The following NRXN3 variants were observed in gnomAD, a reference collection of about 807,000 sequenced individuals.
The protein encoded by NRXN3 is neurexin 3, also known as neurexin III.
NRXN3 carries 32 observed loss-of-function variants against 137.6 expected under a neutral mutation model. The ratio of observed to expected loss-of-function variants is 0.23; its 90% CI spans 0.18 to 0.31. NRXN3 has a LOEUF of 0.31. Ranked by LOEUF, NRXN3 falls within the 10% of genes least tolerant of loss-of-function variation. The probability of loss-of-function intolerance (pLI) is 1.00; values close to 1 mark genes in which losing one functional copy is unlikely to be tolerated. For missense variants in NRXN3, 1,574 were observed against 2,062.5 expected, an observed-to-expected ratio of 0.76 and a Z score of 4.59; for synonymous variants, 798 against 784.5, an observed-to-expected ratio of 1.02 and a Z score of -0.29.
At chr14:78,957,001 A>C (rs2099398041) in intron 10 of NRXN3, among the ~76,000 whole-genome samples, 1 of 152,254 alleles carries the variant, frequency 6.6e-6, no homozygotes, top group African/African-American at 2.4e-5. Flanking sequence ...TATCTAAGAT[A>C]AAAGAAGGCA....
intron 19 of NRXN3, among the ~76,000 whole-genome samples, chr14:79,743,482 A>C (rs59760831): frequency 0.018 from 2,812 of 152,320 alleles, 89 homozygotes; most frequent in African/African-American, 0.064. Flanking sequence ...TTCCTTACAC[A>C]CAAACTTGGG....
At chr14:79,458,231 T>C (rs1218738150) in intron 15 of NRXN3, among the ~76,000 whole-genome samples, 1 of 152,154 alleles carries the variant, frequency 6.6e-6, no homozygotes, top group African/African-American at 2.4e-5. Context: ...TAAAAATGGG[T>C]GTGATTTTCT....
At chr14:78,259,059 G>T (rs548976109) in intron 2 of NRXN3, among the ~76,000 whole-genome samples, 1 of 151,642 alleles carries the variant, frequency 6.6e-6, no homozygotes, top group East Asian at 1.9e-4. Context: ...TTGAACCTGG[G>T]AGGTGGAGGT....
At chr14:79,050,645 C>A (rs1433540969) in intron 15 of NRXN3, among the ~76,000 whole-genome samples, 2 of 152,176 alleles carry the variant, frequency 1.3e-5, no homozygotes, top group African/African-American at 4.8e-5. Context: ...AATTTCAGGG[C>A]CGGTTGTAGC....
At chr14:78,966,603 G>A (rs2099417768) in intron 12 of NRXN3, among the ~76,000 whole-genome samples, 197 bp downstream of exon 12, 1 of 152,104 alleles carries the variant, frequency 6.6e-6, no homozygotes, top group Non-Finnish European at 1.5e-5. Context: ...TTAATTTAAA[G>A]GTCTTCCACT....
chr14:78,760,799 C>T (rs2152974860), intron 8 of NRXN3, among the ~76,000 whole-genome samples: 1 of 152,102 alleles, frequency 6.6e-6, no homozygotes, highest in East Asian at 1.9e-4. Flanking sequence ...CTCATGAGCC[C>T]TTTGCGTTAA....
intron 6 of NRXN3, among the ~76,000 whole-genome samples, chr14:78,661,522 G>A (rs2097841715): frequency 6.6e-6 from 1 of 152,332 alleles, no homozygotes; most frequent in Non-Finnish European, 1.5e-5. Context: ...GACTTGAAGA[G>A]ACATAAGAGA....
chr14:78,854,996 T>C (rs2099052914), intron 10 of NRXN3, among the ~76,000 whole-genome samples: 1 of 152,028 alleles, frequency 6.6e-6, no homozygotes, highest in African/African-American at 2.4e-5. Flanking sequence ...AAACCCCGTC[T>C]CTACTAAAAA....
At chr14:79,266,283 G>A (rs930519674) in intron 15 of NRXN3, among the ~76,000 whole-genome samples, 1 of 151,806 alleles carries the variant, frequency 6.6e-6, no homozygotes, top group African/African-American at 2.4e-5. Flanking sequence ...TCAAAACCTG[G>A]TTTAAAGAAA....
At chr14:79,193,847 A>G (rs2064767361) in intron 15 of NRXN3, among the ~76,000 whole-genome samples, 1 of 152,232 alleles carries the variant, frequency 6.6e-6, no homozygotes, top group African/African-American at 2.4e-5. Flanking sequence ...CCTACAAAGT[A>G]TGGAATAGTT....
At chr14:78,470,913 G>A (rs1426101956) in intron 4 of NRXN3, among the ~76,000 whole-genome samples, 3 of 152,146 alleles carry the variant, frequency 2.0e-5, no homozygotes, top group East Asian at 1.9e-4. Context: ...GCAACCTTCC[G>A]AAGGTCAGAT....
At chr14:78,894,521 G>C (rs891354643) in intron 10 of NRXN3, among the ~76,000 whole-genome samples, 1 of 151,850 alleles carries the variant, frequency 6.6e-6, no homozygotes. Context: ...TTTCTCCACT[G>C]ATGTTTTGAA....
intron 14 of NRXN3, among the ~76,000 whole-genome samples, chr14:78,987,009 G>A (rs954797434): frequency 4.2e-5 from 5 of 119,000 alleles, no homozygotes; most frequent in Non-Finnish European, 8.1e-5. Context: ...GCAACAGAGC[G>A]AGACTGTCTC....
At position 78,476,873 on chromosome 14, in the gene NRXN3, C is replaced by A. The variant is rs557852807; in HGVS notation, c.758-168247C>A. ...AATATTTGTCTGCAGATCCATTTAT[C>A]TTCCATAACACCTTAGATGAAATGT... On this transcript the variant is annotated intron_variant, in intron 4 of 20. Coordinates refer to ENST00000335750, the MANE Select transcript of NRXN3 (RefSeq NM_001330195.2). 1.7e-3 allele frequency among the ~76,000 whole-genome samples: 264 copies of A among 152,318 alleles called. 3 individuals are homozygous for A. Among genetic ancestry groups the A allele is most frequent in the Non-Finnish European group, 2.5e-3 (172 of 68,026 alleles).
At chr14:79,249,513 G>A (rs541928629) in intron 15 of NRXN3, among the ~76,000 whole-genome samples, 47 of 152,324 alleles carry the variant, frequency 3.1e-4, no homozygotes, top group African/African-American at 1.1e-3. Flanking sequence ...GGTTTGAATG[G>A]CCACAGAAGA....
chr14:78,182,163 A>G (rs2059864288), intron 1 of NRXN3, among the ~76,000 whole-genome samples: 1 of 152,112 alleles, frequency 6.6e-6, no homozygotes, highest in Non-Finnish European at 1.5e-5. Context: ...CACCGTCTGC[A>G]GGCCCTGCTG....
At chr14:78,828,886 TA>T (rs2098974266) in intron 10 of NRXN3, among the ~76,000 whole-genome samples, 1 of 152,040 alleles carries the variant, frequency 6.6e-6, no homozygotes. Context: ...TTAAACAGAG[TA>T]AAGTAAATGC....
rs76765509 is a variant in NRXN3, at chr14:78,295,818, G to A, written c.728-2013G>A. Among the ~76,000 whole-genome samples the A allele has an allele frequency of 7.1e-3, 1,080 of 152,160 alleles. 10 individuals are homozygous for A. The highest frequency in any genetic ancestry group is 0.025 in the African/African-American group (1,046 of 41,502). ...AAAGCGCAATGATAGAGGTTTTTAC[G>A]AGGCTTGAATCCCCTCTTACTACCA... On this transcript the variant is annotated intron_variant, in intron 3 of 20. Transcript: ENST00000335750.
At chr14:78,666,968 G>A (rs1344585921) in intron 6 of NRXN3, among the ~76,000 whole-genome samples, 2 of 152,100 alleles carry the variant, frequency 1.3e-5, no homozygotes, top group African/African-American at 4.8e-5. Flanking sequence ...TACTCTAAAT[G>A]TATGTTTTAA....
Sources: allele counts gnomAD v4.1 joint callset (sites outside exome capture counted in the v4.1 genomes callset), GRCh38; gene constraint gnomAD v4.1.1; transcripts MANE v1.5; gene names NCBI Gene and HGNC (gene_info 2026-07-23, HGNC 2026-07-21).